HACE1: variants seen among roughly 807,000 people sequenced by gnomAD.
HACE1 encodes HECT domain and ankyrin repeat containing E3 ubiquitin protein ligase 1, also known as E3 ubiquitin-protein ligase HACE1.
In HACE1, 73 loss-of-function variants were observed where a neutral mutation model predicts 118.4. That is an observed-to-expected ratio of 0.62 (90% confidence interval 0.51 to 0.75). The LOEUF is 0.75. HACE1 is among the 30% of genes least tolerant of loss of function. The pLI is 0.00. For synonymous variants in HACE1, 368 were observed against 374.8 expected, an observed-to-expected ratio of 0.98 and a Z score of 0.21; for missense variants, 749 against 1,102.2, an observed-to-expected ratio of 0.68 and a Z score of 4.54.
chr6:104,829,360 T>C (rs1328482956), intron 6 of HACE1, among the ~76,000 whole-genome samples: 1 of 152,136 alleles, frequency 6.6e-6, no homozygotes, highest in Admixed American at 6.5e-5. Flanking sequence ...AATACACTTA[T>C]ACACTGAGAT....
intron 4 of HACE1, among the ~76,000 whole-genome samples, chr6:104,844,906 C>T (rs531361577): frequency 4.6e-5 from 7 of 151,868 alleles, no homozygotes; most frequent in Non-Finnish European, 7.4e-5. Context: ...TCAGGCAATC[C>T]GCCTGCCTCA....
At chr6:104,797,853 G>T (rs979604859) in intron 7 of HACE1, among the ~76,000 whole-genome samples, 6 of 152,202 alleles carry the variant, frequency 3.9e-5, no homozygotes, top group Admixed American at 3.9e-4. Context: ...TGGATCACCT[G>T]AGGTCAGGAG....
chr6:104,859,240 G>T, intron 1 of HACE1: 1 of 318,124 alleles, frequency 3.1e-6, no homozygotes, highest in Non-Finnish European at 5.8e-6. Context: ...GATGTTTTCT[G>T]ACTCCGGGTC....
chr6:104,840,923 A>G (rs1362479324), intron 5 of HACE1, among the ~76,000 whole-genome samples: 2 of 152,194 alleles, frequency 1.3e-5, no homozygotes, highest in East Asian at 3.9e-4. Flanking sequence ...AGACAGCACC[A>G]TTGCACTCCA....
At chr6:104,763,753 T>A (rs6939867) in intron 19 of HACE1, among the ~76,000 whole-genome samples, 386 of 152,206 alleles carry the variant, frequency 2.5e-3, no homozygotes, top group African/African-American at 8.9e-3. Flanking sequence ...TTTGTTTTGA[T>A]TAAAAGGTAC....
intron 17 of HACE1, among the ~76,000 whole-genome samples, chr6:104,773,665 A>G (rs1284246869): frequency 6.6e-6 from 1 of 152,046 alleles, no homozygotes; most frequent in Non-Finnish European, 1.5e-5. Context: ...ACCAACAAAG[A>G]TTTCTGATGA....
At chr6:104,774,904 T>C (rs1160648346) in intron 17 of HACE1, among the ~76,000 whole-genome samples, 1 of 152,174 alleles carries the variant, frequency 6.6e-6, no homozygotes, top group African/African-American at 2.4e-5. Context: ...ACCCAAACAT[T>C]CCCCACATTT....
At chr6:104,768,456 T>A (rs1780240603) in intron 19 of HACE1, among the ~76,000 whole-genome samples, 1 of 152,116 alleles carries the variant, frequency 6.6e-6, no homozygotes, top group African/African-American at 2.4e-5. Context: ...AAACTGAATA[T>A]CTTAACAATT....
intron 1 of HACE1, among the ~76,000 whole-genome samples, chr6:104,859,128 T>C (rs1023160471): frequency 2.0e-5 from 3 of 152,090 alleles, no homozygotes; most frequent in Non-Finnish European, 4.4e-5. Context: ...TTTTAAAAAA[T>C]AACAAAAATA....
chr6:104,731,698 T>A (rs558269351), intron 22 of HACE1: 4 of 152,202 alleles, frequency 2.6e-5, no homozygotes, highest in African/African-American at 9.6e-5. Flanking sequence ...TACTTTACAC[T>A]AAGTTACTTA....
intron 7 of HACE1, among the ~76,000 whole-genome samples, chr6:104,809,471 G>T (rs1382501025): frequency 1.3e-5 from 2 of 152,112 alleles, no homozygotes; most frequent in Non-Finnish European, 2.9e-5. Flanking sequence ...CCTGCTGAAA[G>T]AGTTGGTTGC....
chr6:104,745,059 A>T (rs574804394), intron 20 of HACE1, among the ~76,000 whole-genome samples: 68 of 152,288 alleles, frequency 4.5e-4, no homozygotes, highest in Admixed American at 5.2e-4. Flanking sequence ...AGTCATCAAG[A>T]AATCATTATC....
At chr6:104,735,054 A>G (rs977705873) in intron 22 of HACE1, among the ~76,000 whole-genome samples, 4 of 152,102 alleles carry the variant, frequency 2.6e-5, no homozygotes, top group African/African-American at 9.6e-5. Context: ...ACATATATAT[A>G]AAATCTTAGG....
At chr6:104,819,053 A>G (rs1772410535) in intron 6 of HACE1, among the ~76,000 whole-genome samples, 1 of 152,252 alleles carries the variant, frequency 6.6e-6, no homozygotes, top group African/African-American at 2.4e-5. Flanking sequence ...ATCAGGCAAG[A>G]GAAAAAAACA....
intron 1 of HACE1, among the ~76,000 whole-genome samples, chr6:104,854,298 G>A (rs770607475): frequency 2.0e-5 from 3 of 152,160 alleles, no homozygotes; most frequent in Non-Finnish European, 2.9e-5. Flanking sequence ...AATTGGATCC[G>A]TAAATGACAT....
At chr6:104,752,396 T>G (rs1193191810) in intron 19 of HACE1, among the ~76,000 whole-genome samples, 2 of 152,158 alleles carry the variant, frequency 1.3e-5, no homozygotes, top group Non-Finnish European at 2.9e-5. Flanking sequence ...TGACTATATT[T>G]CAGTTTATGT....
intron 6 of HACE1, among the ~76,000 whole-genome samples, chr6:104,820,957 G>A (rs571023966): frequency 4.5e-4 from 69 of 152,316 alleles, no homozygotes; most frequent in Non-Finnish European, 7.1e-4. Flanking sequence ...ATCGATGGTA[G>A]ACTGGATAAA....
Position 104,859,651 on chromosome 6 carries a change from C to G in HACE1, c.-9G>C. On this transcript the variant is annotated 5_prime_UTR_variant, in exon 1 of 24. Coordinates refer to ENST00000262903, the MANE Select transcript of HACE1 (RefSeq NM_020771.4). ...TCCATCGCTCTCTCCATCCTCGGCG[C>G]GCCCTCCGCGATCCTCCGCGATCAG... is the stretch of plus-strand genomic sequence containing the variant. 2 of 1,530,984 alleles carry G rather than the reference C, an allele frequency of 1.3e-6. No individual in the cohort carries two copies. Among genetic ancestry groups the G allele is most frequent in the Non-Finnish European group, 1.8e-6 (2 of 1,142,512 alleles). The allele number at this position is 1,530,984 out of a possible 1,614,324, so 94.8% of individuals were successfully genotyped here.
At chr6:104,836,940 A>G (rs1174631292) in intron 5 of HACE1, among the ~76,000 whole-genome samples, 2 of 152,212 alleles carry the variant, frequency 1.3e-5, no homozygotes, top group Non-Finnish European at 2.9e-5. Flanking sequence ...TATGCTTACC[A>G]AAACATGCAC....
Sources: allele counts gnomAD v4.1 joint callset (sites outside exome capture counted in the v4.1 genomes callset), GRCh38; gene constraint gnomAD v4.1.1; transcripts MANE v1.5; gene names NCBI Gene and HGNC (gene_info 2026-07-23, HGNC 2026-07-21).